ISOC2: variants seen among roughly 807,000 people sequenced by gnomAD.
The protein encoded by ISOC2 is isochorismatase domain-containing protein 2.
Under a neutral mutation model 19.3 loss-of-function variants are expected in ISOC2, and 15 were observed. That is an observed-to-expected ratio of 0.78 (90% CI 0.52 to 1.20). The LOEUF is 1.20. ISOC2 is among the 50% of genes most tolerant of loss of function. The pLI, the probability that ISOC2 is intolerant of heterozygous loss-of-function variation, is 0.00. For synonymous variants in ISOC2, 106 were observed against 115.8 expected (o/e 0.92, Z 0.54); for missense variants, 285 against 272.4 (o/e 1.05, Z -0.33).
chr19:55,455,213 C>G (rs764140150), intron 4 of ISOC2, 47 bp downstream of exon 4: 2 of 1,569,664 alleles, frequency 1.3e-6, no homozygotes, highest in Non-Finnish European at 1.7e-6. Flanking sequence ...TTCCTGGGAG[C>G]CCCTGATGGC....
At chr19:55,459,836 C>T (rs192587887) in intron 1 of ISOC2, 1 of 152,290 alleles carries the variant, frequency 6.6e-6, no homozygotes, top group East Asian at 1.9e-4. Flanking sequence ...GTCACAAGGG[C>T]CCTGGAGTCT....
rs145598625 is a variant in ISOC2, at chr19:55,455,268, G to A, written c.411C>T (p.Ser137=). ...GGCAGGGGCCCTCTCACCTGCGTGAGGAGCAGGCGTCCACCACCACATGGA... is the reference window on the plus strand; with the variant it reads ...GGCAGGGGCCCTCTCACCTGCGTGAAGAGCAGGCGTCCACCACCACATGGA... ...LQVHVVVDAC[S]SRSQVDRLVA... The change falls in exon 4 of 6, where the codon TCC becomes TCT. Residue 137 remains serine, a synonymous_variant. Transcript: ENST00000425675. The A allele has an allele frequency of 1.9e-6, 3 of 1,611,524 alleles. No homozygotes were observed. The highest frequency in any genetic ancestry group is 2.5e-6 in the Non-Finnish European group (3 of 1,178,676).
intron 1 of ISOC2, among the ~76,000 whole-genome samples, chr19:55,457,874 CA>C (rs1403237431): frequency 6.6e-6 from 1 of 150,648 alleles, no homozygotes; most frequent in East Asian, 1.9e-4. Context: ...GATTGGCTGC[CA>C]GGGGCTGTGG....
intron 1 of ISOC2, among the ~76,000 whole-genome samples, chr19:55,460,634 TG>T (rs1157216502): frequency 6.6e-6 from 1 of 152,250 alleles, no homozygotes; most frequent in African/African-American, 2.4e-5. Flanking sequence ...TCCTGGGATG[TG>T]GCGCATGTTT....
At chr19:55,453,624 G>A in intron 5 of ISOC2, 3 of 380,564 alleles carry the variant, frequency 7.9e-6, no homozygotes, top group Non-Finnish European at 1.4e-5. Context: ...GACCACTAAG[G>A]GTGGACAGCT....
At chr19:55,460,526 G>T (rs1986199487) in intron 1 of ISOC2, among the ~76,000 whole-genome samples, 1 of 152,160 alleles carries the variant, frequency 6.6e-6, no homozygotes, top group Admixed American at 6.5e-5. Context: ...TAAAGGGTTG[G>T]CATAAAGCCA....
Position 55,455,638 on chromosome 19 carries a change from A to G in ISOC2, c.346T>C (p.Leu116=). ...LCGIEAQACI[L]NTTLDLLDRG... ...CCTGGGGTCAGTCAGCATCTCACCAAGATGCAGGCCTGTGCCTCAATGCCA... is the reference window on the plus strand; with the variant it reads ...CCTGGGGTCAGTCAGCATCTCACCAGGATGCAGGCCTGTGCCTCAATGCCA... Residue 116 remains leucine, a splice_region_variant and synonymous_variant, in exon 3 of 6, where the codon TTG becomes CTG. Transcript: ENST00000425675. The G allele has an allele frequency of 6.3e-7, 1 of 1,585,528 alleles. No individual in the cohort carries two copies. The highest frequency in any genetic ancestry group is 8.6e-7 in the Non-Finnish European group (1 of 1,162,000).
At chr19:55,455,196 G>C in intron 4 of ISOC2, 64 bp downstream of exon 4, 3 of 1,566,582 alleles carry the variant, frequency 1.9e-6, no homozygotes, top group Non-Finnish European at 2.6e-6. Context: ...AATGCCGCCT[G>C]TGGCCCTTCC....
chr19:55,455,495 C>T (rs1017967953), intron 3 of ISOC2, 141 bp downstream of exon 3: 3 of 1,123,492 alleles, frequency 2.7e-6, no homozygotes, highest in African/African-American at 3.1e-5. Context: ...TAGGATGGGG[C>T]CCACAGGTGA....
At chr19:55,459,063 C>G (rs1436761943) in intron 1 of ISOC2, among the ~76,000 whole-genome samples, 5 of 151,834 alleles carry the variant, frequency 3.3e-5, no homozygotes, top group Admixed American at 1.3e-4. Flanking sequence ...TCCCAAGTAG[C>G]TAGAGCTACA....
intron 5 of ISOC2, 74 bp from the exon 6 acceptor site, chr19:55,453,462 A>C (rs1599880220): frequency 9.6e-7 from 1 of 1,045,192 alleles, no homozygotes; most frequent in African/African-American, 1.7e-5. Context: ...TCTGAGGGAC[A>C]CCTCTCCGTC....
At position 55,456,337 on chromosome 19, in the gene ISOC2, C is replaced by T; in HGVS notation, c.138+12G>A. ...GGATCCTGGGTCTGAGGGTGGGGGGCTGAGGTCATACCTTGAGCATGCGGG... is the reference window on the plus strand; with the variant it reads ...GGATCCTGGGTCTGAGGGTGGGGGGTTGAGGTCATACCTTGAGCATGCGGG... On this transcript the variant is annotated intron_variant, in intron 2 of 5. Coordinates refer to ENST00000425675, the MANE Select transcript of ISOC2 (RefSeq NM_001136201.2). 1 of 1,613,210 alleles carries T rather than the reference C, an allele frequency of 6.2e-7. No homozygotes were observed. The highest frequency in any genetic ancestry group is 8.5e-7 in the Non-Finnish European group (1 of 1,179,510).
intron 1 of ISOC2, among the ~76,000 whole-genome samples, chr19:55,458,716 T>C (rs995949190): frequency 6.6e-6 from 1 of 151,196 alleles, no homozygotes; most frequent in Non-Finnish European, 1.5e-5. Context: ...TTAGTAGAGA[T>C]GGGGTTTCAC....
At chr19:55,456,729 G>A (rs1008002314) in intron 1 of ISOC2, among the ~76,000 whole-genome samples, 9 of 152,174 alleles carry the variant, frequency 5.9e-5, no homozygotes. Context: ...ACATCCACAC[G>A]TGGCTCCGGG....
chr19:55,453,539 TG>T (rs1985942440), intron 5 of ISOC2, 151 bp from the exon 6 acceptor site: 1 of 520,936 alleles, frequency 1.9e-6, no homozygotes, highest in Non-Finnish European at 3.4e-6. Context: ...AGACTTTTCC[TG>T]GGGCCTCCCT....
At chr19:55,459,287 C>T (rs1036447229) in intron 1 of ISOC2, among the ~76,000 whole-genome samples, 3 of 152,168 alleles carry the variant, frequency 2.0e-5, no homozygotes, top group African/African-American at 7.2e-5. Context: ...TTTCTATGTG[C>T]ACCATATCTC....
chr19:55,458,628 A>G (rs549128754), intron 1 of ISOC2, among the ~76,000 whole-genome samples: 1 of 151,470 alleles, frequency 6.6e-6, no homozygotes, highest in East Asian at 1.9e-4. Context: ...TCCCAGGTTC[A>G]AGGATTCTCC....
Position 55,456,483 on chromosome 19 carries a change from C to T in ISOC2, c.4G>A (p.Ala2Thr). ...CGGCCCAGGCTGGGCCTGGCAGCCG[C>T]CATTTTCTGGGGGTGGGCAGAGGGA... MAAARPSLGRVL... is the reference protein window; with the variant it reads MTAARPSLGRVL... Residue 2 changes from alanine (A) to threonine (T), a missense_variant, in exon 2 of 6, where the codon GCG becomes ACG. Transcript: ENST00000425675. 2 of 1,613,604 alleles carry T rather than the reference C, an allele frequency of 1.2e-6. No homozygotes were observed. Among genetic ancestry groups the T allele is most frequent in the Non-Finnish European group, 1.7e-6 (2 of 1,179,704 alleles).
Position 55,453,248 on chromosome 19 carries a change from G to C in ISOC2, c.*60C>G, listed in dbSNP as rs1197988123. The stretch of plus-strand genomic sequence containing the variant: ...CTTGGGATCCAGGGATGGGGGGAAC[G>C]GGCTTCCACTGAGGTCCGGGTGACA... On this transcript the variant is annotated 3_prime_UTR_variant, in exon 6 of 6. Transcript: ENST00000425675. The C allele has an allele frequency of 6.4e-6, 8 of 1,255,544 alleles. No homozygotes were observed. The highest frequency in any genetic ancestry group is 9.0e-6 in the Non-Finnish European group (8 of 893,834). 77.8% of individuals were successfully genotyped at this position (1,255,544 alleles called of 1,614,324 possible). A position where few individuals can be genotyped will look rare whatever the true frequency, so the allele number is the denominator to read the frequency against.
Sources: gnomAD v4.1 joint callset for allele counts (sites outside exome capture counted in the v4.1 genomes callset) on GRCh38, gnomAD v4.1.1 for gene constraint, MANE v1.5 for transcripts, NCBI Gene and HGNC (gene_info 2026-07-23, HGNC 2026-07-21) for gene names.